The following ZCCHC14 variants were observed in gnomAD, a reference collection of about 807,000 sequenced individuals.
ZCCHC14 encodes zinc finger CCHC-type containing 14, also known as zinc finger CCHC domain-containing protein 14.
Under a neutral mutation model 85.0 loss-of-function variants are expected in ZCCHC14, and 16 were observed. The ratio of observed to expected loss-of-function variants is 0.19; its 90% CI spans 0.13 to 0.29. ZCCHC14 has a LOEUF of 0.29. Ranked by LOEUF, ZCCHC14 falls within the 10% of genes least tolerant of loss-of-function variation. ZCCHC14 has a pLI of 1.00. For missense variants in ZCCHC14, 1,303 were observed against 1,443.5 expected (o/e 0.90, Z 1.58); for synonymous variants, 775 against 630.7 (o/e 1.23, Z -3.43).
intron 1 of ZCCHC14, chr16:87,474,003 C>T: frequency 6.6e-6 from 1 of 152,276 alleles, no homozygotes; most frequent in Non-Finnish European, 1.5e-5. Flanking sequence ...TTACTGTCAG[C>T]CATGCAACAA....
In ZCCHC14 at chr16:87,412,941, TCTC is replaced by T; in HGVS notation, c.1777_1779del (p.Glu593del). On this transcript the variant is annotated inframe_deletion, in exon 12 of 13. Transcript: ENST00000671377. ...AAGTGATTCAGCAGCATCACCGGCT[TCTC>T]CTTGTCAGAGCTCTCCAAGTGAATC... 3.1e-6 allele frequency: 5 copies of T among 1,605,816 alleles called. No individual in the cohort carries two copies. The highest frequency in any genetic ancestry group is 4.3e-6 in the Non-Finnish European group (5 of 1,175,416).
At chr16:87,481,531 GGGGGGGGGGGT>G (rs1912270250) in intron 1 of ZCCHC14, among the ~76,000 whole-genome samples, 1 of 26,764 alleles carries the variant, frequency 3.7e-5, no homozygotes, top group Non-Finnish European at 1.0e-4. Flanking sequence ...AGAAACGGGG[GGGGGGGGGGGT>G]GGGGGGGGGG....
At position 87,418,837 on chromosome 16, in the gene ZCCHC14, G is replaced by T; in HGVS notation, c.1100+10C>A. The T allele has an allele frequency of 6.2e-7, 1 of 1,612,394 alleles. No individual in the cohort carries two copies. The stretch of plus-strand genomic sequence containing the variant: ...TCTGAACTGTGCTGGTTACATAGAA[G>T]ATTTCTCACCTTCCAGACACGCCCA... On this transcript the variant is annotated intron_variant, in intron 7 of 12. Coordinates refer to ENST00000671377, the MANE Select transcript of ZCCHC14 (RefSeq NM_015144.3).
At chr16:87,437,605 C>T (rs561665322) in intron 2 of ZCCHC14, among the ~76,000 whole-genome samples, 30 of 152,306 alleles carry the variant, frequency 2.0e-4, no homozygotes, top group Middle Eastern at 6.8e-3. Context: ...CAAAGGGACC[C>T]GAGGCTGGGC....
chr16:87,419,021 A>T, intron 6 of ZCCHC14, 120 bp from the exon 7 acceptor site: 1 of 910,948 alleles, frequency 1.1e-6, no homozygotes, highest in Non-Finnish European at 1.6e-6. Flanking sequence ...CAATGGTGCG[A>T]TCTCGGCTCA....
chr16:87,482,876 G>C (rs925839184), intron 1 of ZCCHC14, among the ~76,000 whole-genome samples: 5 of 152,098 alleles, frequency 3.3e-5, no homozygotes, highest in Non-Finnish European at 5.9e-5. Flanking sequence ...TTCCATACCA[G>C]GCGACACTGC....
intron 1 of ZCCHC14, among the ~76,000 whole-genome samples, chr16:87,474,672 G>C (rs373532486): frequency 1.8e-4 from 27 of 152,288 alleles, no homozygotes; most frequent in African/African-American, 6.5e-4. Flanking sequence ...GAGAAGGGGG[G>C]CAGCTAAAGC....
Position 87,408,744 on chromosome 16 carries a change from C to G in ZCCHC14, c.*1536G>C, listed in dbSNP as rs572806797. ...GTTAGGAACTGCTCTTCAAATTGAA[C>G]GCTCACATCACAAGGCCTCATTCTA... On this transcript the variant is annotated 3_prime_UTR_variant, in exon 13 of 13. Transcript: ENST00000671377. The G allele has an allele frequency of 1.3e-5, 2 of 152,534 alleles. No individual in the cohort carries two copies. Among genetic ancestry groups the G allele is most frequent in the South Asian group, 4.1e-4 (2 of 4,826 alleles). 9.4% of individuals were successfully genotyped at this position (152,534 alleles called of 1,614,324 possible). A position where few individuals can be genotyped will look rare whatever the true frequency, so the allele number is the denominator to read the frequency against.
chr16:87,471,580 C>T (rs1911774963), intron 1 of ZCCHC14: 1 of 152,308 alleles, frequency 6.6e-6, no homozygotes, highest in South Asian at 2.1e-4. Context: ...AACACCGGCC[C>T]CAACTGCCCA....
At chr16:87,460,243 A>G (rs1911194258) in intron 1 of ZCCHC14, 112 bp from the exon 2 acceptor site, 1 of 1,353,876 alleles carries the variant, frequency 7.4e-7, no homozygotes, top group African/African-American at 1.5e-5. Context: ...TTTTCTACAA[A>G]ACATGTATTA....
intron 1 of ZCCHC14, among the ~76,000 whole-genome samples, chr16:87,485,828 G>C (rs1263268276): frequency 1.3e-5 from 2 of 152,132 alleles, no homozygotes; most frequent in Non-Finnish European, 2.9e-5. Context: ...AATTCAAAAG[G>C]TAGATGAAGT....
At chr16:87,462,666 G>A (rs1204630522) in intron 1 of ZCCHC14, among the ~76,000 whole-genome samples, 1 of 151,954 alleles carries the variant, frequency 6.6e-6, no homozygotes, top group Non-Finnish European at 1.5e-5. Context: ...TGTGAACCCG[G>A]AAGGTGGAGC....
intron 2 of ZCCHC14, among the ~76,000 whole-genome samples, chr16:87,455,261 C>T (rs147934895): frequency 0.015 from 2,279 of 151,880 alleles, 22 homozygotes; most frequent in Middle Eastern, 0.041. Flanking sequence ...GTGTTCCAGC[C>T]TGGGCAACAA....
At chr16:87,428,897 CCG>C (rs1491535356) in intron 3 of ZCCHC14, among the ~76,000 whole-genome samples, 4 of 41,218 alleles carry the variant, frequency 9.7e-5, no homozygotes, top group East Asian at 2.8e-4. Context: ...AGCATTACTG[CCG>C]GGGGTGGTAT....
intron 3 of ZCCHC14, among the ~76,000 whole-genome samples, chr16:87,425,575 A>C (rs34264182): frequency 0.25 from 35,456 of 144,432 alleles, 5,090 homozygotes; most frequent in African/African-American, 0.45. Context: ...AAACTCTATC[A>C]AAAAAAAAAA....
intron 1 of ZCCHC14, among the ~76,000 whole-genome samples, chr16:87,467,884 G>A (rs1012609884): frequency 3.3e-5 from 5 of 152,062 alleles, no homozygotes; most frequent in Non-Finnish European, 4.4e-5. Flanking sequence ...ATATCCTGAC[G>A]TCGTGGTCCG....
intron 2 of ZCCHC14, among the ~76,000 whole-genome samples, chr16:87,443,632 G>A (rs957655383): frequency 6.6e-6 from 1 of 152,182 alleles, no homozygotes; most frequent in Non-Finnish European, 1.5e-5. Context: ...AGCTACTCGG[G>A]AGGCCAAGGC....
chr16:87,432,976 G>A, intron 3 of ZCCHC14, 152 bp downstream of exon 3: 1 of 321,586 alleles, frequency 3.1e-6, no homozygotes, highest in Non-Finnish European at 4.9e-6. Flanking sequence ...CCTGGAGACA[G>A]CCCACCCCGA....
intron 4 of ZCCHC14, among the ~76,000 whole-genome samples, chr16:87,422,543 G>A (rs1597405527): frequency 6.6e-6 from 1 of 151,410 alleles, no homozygotes; most frequent in East Asian, 1.9e-4. Flanking sequence ...TGGCCAACAT[G>A]GTGAAACTGT....
Sources: gnomAD v4.1 joint callset for allele counts (sites outside exome capture counted in the v4.1 genomes callset) on GRCh38, gnomAD v4.1.1 for gene constraint, MANE v1.5 for transcripts, NCBI Gene and HGNC (gene_info 2026-07-23, HGNC 2026-07-21) for gene names.